Variants in ZNF24 observed in about 807,000 individuals in gnomAD.
ZNF24 encodes the protein zinc finger protein 24.
In ZNF24, 11 loss-of-function variants were observed where a neutral mutation model predicts 40.9. The observed-to-expected ratio is 0.27, with a 90% CI of 0.17 to 0.45. The LOEUF (loss-of-function observed/expected upper bound fraction) is 0.45, where lower values mean the gene tolerates loss of function less well. Among genes scored for constraint, ZNF24 ranks in the 20% least tolerant of loss-of-function variants. The pLI is 1.00. For missense variants in ZNF24, 293 were observed against 437.7 expected (o/e 0.67, Z 2.95); for synonymous variants, 139 against 154.7 (o/e 0.90, Z 0.75).
intron 1 of ZNF24, among the ~76,000 whole-genome samples, chr18:35,343,244 C>G (rs184557488): frequency 1.3e-5 from 2 of 152,208 alleles, no homozygotes; most frequent in African/African-American, 4.8e-5. Context: ...CCACACCATA[C>G]GTACATTTAT....
At position 35,332,915 on chromosome 18, in the gene ZNF24, T is replaced by A. The variant is rs1294502646; in HGVS notation, c.*4317A>T. On this transcript the variant is annotated 3_prime_UTR_variant, in exon 4 of 4. Coordinates refer to ENST00000261332, the MANE Select transcript of ZNF24 (RefSeq NM_006965.4). ...TAACCCCAATCTCACCATTTTTTTT[T>A]ATAATCAGGGAAATGCAAAATAAGA... 3 of 152,408 alleles carry A rather than the reference T, an allele frequency of 2.0e-5. No homozygotes were observed. Among genetic ancestry groups the A allele is most frequent in the South Asian group, 2.1e-4 (1 of 4,836 alleles). The allele number at this position is 152,408 out of a possible 1,614,324, so 9.4% of individuals were successfully genotyped here. A position where few individuals can be genotyped will look rare whatever the true frequency, so the allele number is the denominator to read the frequency against.
chr18:35,340,978 C>T lies in ZNF24; in HGVS notation c.-83-245G>A, dbSNP rs763332615. 7.2e-5 allele frequency among the ~76,000 whole-genome samples: 11 copies of T among 152,270 alleles called. No homozygotes were observed. The highest frequency in any genetic ancestry group is 1.7e-4 in the African/African-American group (7 of 41,538). On this transcript the variant is annotated intron_variant, in intron 1 of 3. Transcript: ENST00000261332. The surrounding 1 kb of genome is among the most constrained non-coding windows in gnomAD (Gnocchi z 4.6). ...CTGTGGTCTTCATCACAGTGCCTTACGGAGCGGAGATCCCTAAAATCAAAT... is the reference window on the plus strand; with the variant it reads ...CTGTGGTCTTCATCACAGTGCCTTATGGAGCGGAGATCCCTAAAATCAAAT...
chr18:35,332,760 G>A lies in ZNF24; in HGVS notation c.*4472C>T, dbSNP rs1254621680. ...GGTTCCCCACAAATAAATAAAGGTT[G>A]TGTTACCAGAAGATGGGGAAGGAGA... is the stretch of plus-strand genomic sequence containing the variant. On this transcript the variant is annotated 3_prime_UTR_variant, in exon 4 of 4. Coordinates refer to ENST00000261332, the MANE Select transcript of ZNF24 (RefSeq NM_006965.4). The A allele has an allele frequency of 6.5e-6, 1 of 152,708 alleles. No individual in the cohort carries two copies. The highest frequency in any genetic ancestry group is 1.5e-5 in the Non-Finnish European group (1 of 68,082). The allele number at this position is 152,708 out of a possible 1,614,324, so 9.5% of individuals were successfully genotyped here.
chr18:35,338,529 G>GC, intron 3 of ZNF24: 10 of 985,950 alleles, frequency 1.0e-5, no homozygotes, highest in Non-Finnish European at 1.2e-5. Context: ...AGAGATAACA[G>GC]CAAGTGTCAT....
At position 35,335,870 on chromosome 18, in the gene ZNF24, T is replaced by A. The variant is rs2044902418; in HGVS notation, c.*1362A>T. ...TTCAACTTAATATGTAGGTACAACC[T>A]CAATGCTATTAGAGATTGATTAGTT... On this transcript the variant is annotated 3_prime_UTR_variant, in exon 4 of 4. Transcript: ENST00000261332. The A allele has an allele frequency of 6.6e-6, 1 of 152,214 alleles. No homozygotes were observed. The allele number at this position is 152,214 out of a possible 1,614,324, so 9.4% of individuals were successfully genotyped here. A position where few individuals can be genotyped will look rare whatever the true frequency, so the allele number is the denominator to read the frequency against.
At chr18:35,338,214 G>A in intron 3 of ZNF24, 1 of 985,824 alleles carries the variant, frequency 1.0e-6, no homozygotes, top group Non-Finnish European at 1.2e-6. Flanking sequence ...ATGTCAGAAA[G>A]TGGCTATTTC....
At chr18:35,341,158 A>C (rs2044965239) in intron 1 of ZNF24, among the ~76,000 whole-genome samples, 1 of 78,740 alleles carries the variant, frequency 1.3e-5, no homozygotes, top group Admixed American at 1.4e-4. Flanking sequence ...TAGTTTCAAC[A>C]GACTAGATGG....
rs576594233 is a variant in ZNF24 at position 35,335,899 on chromosome 18, TA to T, written c.*1332del. 6 of 152,338 alleles carry T rather than the reference TA, an allele frequency of 3.9e-5. No individual in the cohort carries two copies. The highest frequency in any genetic ancestry group is 1.4e-4 in the African/African-American group (6 of 41,586). 9.4% of individuals were successfully genotyped at this position (152,338 alleles called of 1,614,324 possible). Reference sequence around the variant, plus strand: ...TGCTATTAGAGATTGATTAGTTCTTTAAAAAGATTCACAAACTTCCAAATTG... The same window carrying T: ...TGCTATTAGAGATTGATTAGTTCTTTAAAAGATTCACAAACTTCCAAATTG... On this transcript the variant is annotated 3_prime_UTR_variant, in exon 4 of 4. Transcript: ENST00000261332.
chr18:35,339,100 T>G, intron 3 of ZNF24: 1 of 1,500,364 alleles, frequency 6.7e-7, no homozygotes, highest in Non-Finnish European at 9.0e-7. Context: ...CAAAATTTCA[T>G]TTTAGTTCAC....
At position 35,337,664 on chromosome 18, in the gene ZNF24, T is replaced by C. The variant is rs1264095464; in HGVS notation, c.675A>G (p.Gln225=). 1.2e-6 allele frequency: 2 copies of C among 1,613,932 alleles called. No individual in the cohort carries two copies. The highest frequency in any genetic ancestry group is 2.2e-5 in the East Asian group (1 of 44,894). ...AACAGGTTTCTCCATATTTAAAAAT[T>C]TGAGGAACACCCATATTGAGAGTGC... The part of the protein sequence containing the change: ...VPGTLNMGVP[Q]IFKYGETCFP... The change falls in exon 4 of 4, where the codon CAA becomes CAG. Residue 225 remains glutamine (Q), a synonymous_variant. Coordinates refer to ENST00000261332, the MANE Select transcript of ZNF24 (RefSeq NM_006965.4).
Position 35,339,980 on chromosome 18 carries a change from G to A in ZNF24, c.421-4C>T. ...GTTTTCGTCGACGGAGAGAAACCTG[G>A]AAACAGAAAGATTTGATTCAGAGAA... is the stretch of plus-strand genomic sequence containing the variant. On this transcript the variant is annotated splice_polypyrimidine_tract_variant and splice_region_variant and intron_variant, in intron 2 of 3. Coordinates refer to ENST00000261332, the MANE Select transcript of ZNF24 (RefSeq NM_006965.4). The A allele has an allele frequency of 1.2e-6, 2 of 1,605,688 alleles. No individual in the cohort carries two copies. The highest frequency in any genetic ancestry group is 1.7e-6 in the Non-Finnish European group (2 of 1,173,828).
chr18:35,338,776 C>T, intron 3 of ZNF24: 3 of 1,262,228 alleles, frequency 2.4e-6, no homozygotes, highest in Admixed American at 8.2e-5. Context: ...AACAGAAATT[C>T]CCAAGTGTGG....
intron 3 of ZNF24, among the ~76,000 whole-genome samples, chr18:35,339,254 T>C (rs886127292): frequency 3.9e-5 from 6 of 152,212 alleles, no homozygotes; most frequent in Non-Finnish European, 8.8e-5. Flanking sequence ...TTAAAAAAGA[T>C]TTTTCTGCAT....
intron 3 of ZNF24, chr18:35,338,319 C>T (rs2044931538): frequency 1.0e-6 from 1 of 985,306 alleles, no homozygotes; most frequent in Non-Finnish European, 1.2e-6. Context: ...AAGCTGGGGG[C>T]CTCCTGTGTT....
chr18:35,337,440 ACT>A lies in ZNF24; in HGVS notation c.897_898del (p.Arg299SerfsTer12). 6.2e-7 allele frequency: 1 copy of A among 1,613,766 alleles called. No individual in the cohort carries two copies. Among genetic ancestry groups the A allele is most frequent in the Non-Finnish European group, 8.5e-7 (1 of 1,179,828 alleles). The stretch of plus-strand genomic sequence containing the variant: ...TTTGTAAGGTTTTTCTCCAGTGTGG[ACT>A]CTCTGGTGTTGCACAAGAATGGAAC... On this transcript the variant is annotated frameshift_variant, in exon 4 of 4. Coordinates refer to ENST00000261332, the MANE Select transcript of ZNF24 (RefSeq NM_006965.4). LOFTEE classifies it high-confidence loss of function.
Position 35,334,456 on chromosome 18 carries a change from C to T in ZNF24, c.*2776G>A, listed in dbSNP as rs2044886006. On this transcript the variant is annotated 3_prime_UTR_variant, in exon 4 of 4. Coordinates refer to ENST00000261332, the MANE Select transcript of ZNF24 (RefSeq NM_006965.4). ...ATTATTTCAGTACATGTAACCCTCC[C>T]TTCAATTTACATGAATATGAGACAT... 6.6e-6 allele frequency: 1 copy of T among 152,112 alleles called. No individual in the cohort carries two copies. The highest frequency in any genetic ancestry group is 2.1e-4 in the South Asian group (1 of 4,830). 9.4% of individuals were successfully genotyped at this position (152,112 alleles called of 1,614,324 possible).
Position 35,340,997 on chromosome 18 carries a change from A to G in ZNF24, c.-83-264T>C, listed in dbSNP as rs1224273397. 6.6e-6 allele frequency among the ~76,000 whole-genome samples: 1 copy of G among 152,198 alleles called. No individual in the cohort carries two copies. The highest frequency in any genetic ancestry group is 2.4e-5 in the African/African-American group (1 of 41,444). On this transcript the variant is annotated intron_variant, in intron 1 of 3. Transcript: ENST00000261332. This position sits in a 1 kb window ranked among gnomAD's most constrained non-coding sequence, Gnocchi z 4.6. ...GCCTTACGGAGCGGAGATCCCTAAAATCAAATGAATACCTAATGATATTTA... is the reference window on the plus strand; with the variant it reads ...GCCTTACGGAGCGGAGATCCCTAAAGTCAAATGAATACCTAATGATATTTA...
In ZNF24 at chr18:35,336,141, C is replaced by T. The variant is rs1161316774; in HGVS notation, c.*1091G>A. 6.6e-6 allele frequency: 1 copy of T among 152,616 alleles called. No homozygotes were observed. The highest frequency in any genetic ancestry group is 2.4e-5 in the African/African-American group (1 of 41,454). 9.5% of individuals were successfully genotyped at this position (152,616 alleles called of 1,614,324 possible). On this transcript the variant is annotated 3_prime_UTR_variant, in exon 4 of 4. Transcript: ENST00000261332. ...CTATGATTTACAGTGGAAGAAATAC[C>T]TACCTACTTATGGTAGGATTACAGT... is the stretch of plus-strand genomic sequence containing the variant.
rs2044900520 is a variant in ZNF24 at position 35,335,710 on chromosome 18, CCTA to C, written c.*1519_*1521del. 6.6e-6 allele frequency: 1 copy of C among 151,942 alleles called. No individual in the cohort carries two copies. Among genetic ancestry groups the C allele is most frequent in the South Asian group, 2.1e-4 (1 of 4,814 alleles). The allele number at this position is 151,942 out of a possible 1,614,324, so 9.4% of individuals were successfully genotyped here. On this transcript the variant is annotated 3_prime_UTR_variant, in exon 4 of 4. Coordinates refer to ENST00000261332, the MANE Select transcript of ZNF24 (RefSeq NM_006965.4). ...AATTCTCAGCCAAGGAGTATATAAT[CCTA>C]CTACTACAATGTATTACTTTAATAC...
Sources: gnomAD v4.1 joint callset for allele counts (sites outside exome capture counted in the v4.1 genomes callset) on GRCh38, gnomAD v4.1.1 for gene constraint, Gnocchi (gnomAD v3.1) non-coding constraint, MANE v1.5 for transcripts, NCBI Gene and HGNC (gene_info 2026-07-23, HGNC 2026-07-21) for gene names.